Variants in ABLIM2 observed in about 807,000 individuals in gnomAD.
The protein encoded by ABLIM2 is actin binding LIM protein family member 2.
ABLIM2 carries 53 observed loss-of-function variants against 97.7 expected under a neutral mutation model. That is an observed-to-expected ratio of 0.54 (90% CI 0.44 to 0.68). The LOEUF is 0.68. ABLIM2 is among the 30% of genes least tolerant of loss of function. The pLI is 0.00. For missense variants in ABLIM2, 835 were observed against 867.2 expected, an observed-to-expected ratio of 0.96 and a Z score of 0.47; for synonymous variants, 361 against 345.8, an observed-to-expected ratio of 1.04 and a Z score of -0.49.
At chr4:8,117,805 C>T (rs1317478881) in intron 1 of ABLIM2, among the ~76,000 whole-genome samples, 3 of 152,166 alleles carry the variant, frequency 2.0e-5, no homozygotes, top group Admixed American at 6.5e-5. Flanking sequence ...GTGTCCTGGC[C>T]AATTCCCATG....
intron 20 of ABLIM2, among the ~76,000 whole-genome samples, chr4:7,981,416 T>C (rs946260425): frequency 6.6e-6 from 1 of 152,184 alleles, no homozygotes; most frequent in African/African-American, 2.4e-5. Context: ...ACCTTACATG[T>C]ATTGATTGAT....
intron 1 of ABLIM2, among the ~76,000 whole-genome samples, chr4:8,144,076 T>C (rs1049773867): frequency 6.6e-6 from 1 of 152,136 alleles, no homozygotes; most frequent in African/African-American, 2.4e-5. Context: ...TGTAGCCTGA[T>C]GGTCCTCTTC....
intron 1 of ABLIM2, among the ~76,000 whole-genome samples, chr4:8,114,554 C>A (rs945382263): frequency 2.0e-5 from 3 of 152,188 alleles, no homozygotes; most frequent in Non-Finnish European, 2.9e-5. Flanking sequence ...TGCCGGATCA[C>A]AGGCGGGCAC....
chr4:8,000,132 G>A (rs187638866), intron 16 of ABLIM2, among the ~76,000 whole-genome samples: 43 of 152,238 alleles, frequency 2.8e-4, no homozygotes, highest in African/African-American at 9.9e-4. Context: ...CTGAGTCTTG[G>A]TGTCTCCATC....
At chr4:8,091,973 TTA>T (rs1342316735) in intron 3 of ABLIM2, among the ~76,000 whole-genome samples, 1 of 136,054 alleles carries the variant, frequency 7.4e-6, no homozygotes, top group Non-Finnish European at 1.5e-5. Flanking sequence ...ATACATATTT[TTA>T]TATATATTAT....
intron 1 of ABLIM2, among the ~76,000 whole-genome samples, chr4:8,141,509 G>A (rs1218402012): frequency 6.6e-6 from 1 of 152,224 alleles, no homozygotes; most frequent in East Asian, 1.9e-4. Flanking sequence ...CATAAAAGGG[G>A]AAGGGAGGTT....
rs963195320 is a variant in ABLIM2, at chr4:7,991,602, A to C, written c.1680+1264T>G. Among the ~76,000 whole-genome samples, 36 of 152,248 alleles carry C rather than the reference A, an allele frequency of 2.4e-4. 1 individual carries two copies. The highest frequency in any genetic ancestry group is 7.7e-4 in the African/African-American group (32 of 41,458). On this transcript the variant is annotated intron_variant, in intron 17 of 20. Transcript: ENST00000447017. ...TTATCTCCCCTGCTTTCCATGTGGA[A>C]GATGAAAAATGGAGAATTCCCTTGG...
chr4:8,087,391 C>T lies in ABLIM2; in HGVS notation c.454+778G>A, dbSNP rs1243661791. On this transcript the variant is annotated intron_variant, in intron 4 of 20. Transcript: ENST00000447017. The surrounding 1 kb of genome is among the most constrained non-coding windows in gnomAD (Gnocchi z 4.6). ...ACTTCGGCTGGCATTTGTTTTTTTT[C>T]CACACTAACAACCTCCTGCTTCCTA... 2.6e-5 allele frequency among the ~76,000 whole-genome samples: 4 copies of T among 152,068 alleles called. No homozygotes were observed. Among genetic ancestry groups the T allele is most frequent in the Non-Finnish European group, 5.9e-5 (4 of 68,010 alleles).
chr4:8,018,731 C>T (rs922177326), intron 14 of ABLIM2, among the ~76,000 whole-genome samples: 1 of 152,198 alleles, frequency 6.6e-6, no homozygotes, highest in African/African-American at 2.4e-5. Context: ...TGGGATGTGG[C>T]TATTTGCTTT....
rs1278575770 is a variant in ABLIM2 at position 8,125,924 on chromosome 4, C to T, written c.11-19287G>A. Among the ~76,000 whole-genome samples, 1 of 152,218 alleles carries T rather than the reference C, an allele frequency of 6.6e-6. No homozygotes were observed. The highest frequency in any genetic ancestry group is 1.5e-5 in the Non-Finnish European group (1 of 68,042). ...GGGGGACCCGCCGCTTTTGGGAACA[C>T]ACCTGCATGTCTCCTTTTTTGGTTC... is the stretch of plus-strand genomic sequence containing the variant. On this transcript the variant is annotated intron_variant, in intron 1 of 20. Transcript: ENST00000447017. This position sits in a 1 kb window ranked among gnomAD's most constrained non-coding sequence, Gnocchi z 6.2.
Position 7,999,131 on chromosome 4 carries a change from T to C in ABLIM2, c.1619-6204A>G, listed in dbSNP as rs1755400395. ...CCCGGGCTGGAGTACAATGGCGTGA[T>C]CTTGGCTCACTGCAACCTCCTGGGT... On this transcript the variant is annotated intron_variant, in intron 16 of 20. Coordinates refer to ENST00000447017, the MANE Select transcript of ABLIM2 (RefSeq NM_001130083.2). The surrounding 1 kb of genome is among the most constrained non-coding windows in gnomAD (Gnocchi z 4.4). Among the ~76,000 whole-genome samples, 1 of 152,168 alleles carries C rather than the reference T, an allele frequency of 6.6e-6. No homozygotes were observed. The highest frequency in any genetic ancestry group is 2.4e-5 in the African/African-American group (1 of 41,438).
chr4:8,101,461 G>A (rs866539495), intron 2 of ABLIM2, among the ~76,000 whole-genome samples: 17 of 152,226 alleles, frequency 1.1e-4, no homozygotes, highest in African/African-American at 3.4e-4. Flanking sequence ...CGCCTGGAAC[G>A]CCCAGGAAGC....
At chr4:8,037,329 C>T (rs1393450011) in intron 9 of ABLIM2, among the ~76,000 whole-genome samples, 2 of 126,396 alleles carry the variant, frequency 1.6e-5, no homozygotes, top group African/African-American at 7.1e-5. Context: ...CACACATGCA[C>T]ACACATGCAG....
At chr4:8,145,486 G>C (rs73218492) in intron 1 of ABLIM2, among the ~76,000 whole-genome samples, 1 of 152,056 alleles carries the variant, frequency 6.6e-6, no homozygotes, top group Non-Finnish European at 1.5e-5. Flanking sequence ...GCCCGGCCAG[G>C]TATTGATTTT....
chr4:8,098,690 T>C (rs542440430), intron 2 of ABLIM2, among the ~76,000 whole-genome samples: 13 of 152,210 alleles, frequency 8.5e-5, no homozygotes, highest in Non-Finnish European at 1.3e-4. Flanking sequence ...GTGCTGTGTG[T>C]CCCTGGGCAA....
At chr4:8,142,734 TC>T (rs1168005744) in intron 1 of ABLIM2, among the ~76,000 whole-genome samples, 1 of 152,158 alleles carries the variant, frequency 6.6e-6, no homozygotes, top group East Asian at 1.9e-4. Flanking sequence ...CCCTCACTCT[TC>T]CCCTGCACGG....
chr4:8,131,946 C>T (rs1016381425), intron 1 of ABLIM2, among the ~76,000 whole-genome samples: 2 of 143,700 alleles, frequency 1.4e-5, no homozygotes, highest in Admixed American at 1.4e-4. Context: ...CATCAGCCTG[C>T]ATCCCTGAGC....
rs1186150514 is a variant in ABLIM2, at chr4:8,028,206, C to T, written c.1169-349G>A. On this transcript the variant is annotated intron_variant, in intron 11 of 20. Transcript: ENST00000447017. ...AGCAGTTCAGGGAGTGGTCTGCCAC[C>T]AGACATCGTCACCGGACTCGTCCGG... 3.3e-5 allele frequency among the ~76,000 whole-genome samples: 5 copies of T among 152,180 alleles called. No individual in the cohort carries two copies. In the East Asian group the frequency reaches 9.6e-4, roughly 29 times the overall value.
rs190160623 is a variant in ABLIM2 at position 8,008,918 on chromosome 4, C to A, written c.1476+132G>T. ...GGAAACTGATGGAAGGGCCTCCTAC[C>A]TTTGGCCTCGCAGGGCCCCTAAGGA... On this transcript the variant is annotated intron_variant, in intron 15 of 20. Coordinates refer to ENST00000447017, the MANE Select transcript of ABLIM2 (RefSeq NM_001130083.2). 4.8e-4 allele frequency: 492 copies of A among 1,026,324 alleles called. 1 individual carries two copies. In the African/African-American group the frequency reaches 6.6e-3, roughly 14 times the overall value. 63.6% of individuals were successfully genotyped at this position (1,026,324 alleles called of 1,614,324 possible).
Sources: allele counts gnomAD v4.1 joint callset (sites outside exome capture counted in the v4.1 genomes callset), GRCh38; gene constraint gnomAD v4.1.1; non-coding constraint Gnocchi (gnomAD v3.1); transcripts MANE v1.5; gene names NCBI Gene and HGNC (gene_info 2026-07-23, HGNC 2026-07-21).